The following EIF4G1 variants were observed in gnomAD, a reference collection of about 807,000 sequenced individuals.
EIF4G1 encodes the protein eukaryotic translation initiation factor 4 gamma 1.
In EIF4G1, 4 loss-of-function variants were observed where a neutral mutation model predicts 187.8. The observed-to-expected ratio is 0.02, with a 90% CI of 0.01 to 0.05. EIF4G1 has a LOEUF of 0.05. Among genes scored for constraint, EIF4G1 ranks in the 10% least tolerant of loss-of-function variants. The probability of loss-of-function intolerance (pLI) is 1.00; values close to 1 mark genes in which losing one functional copy is unlikely to be tolerated. For synonymous variants in EIF4G1, 844 were observed against 781.4 expected (o/e 1.08, Z -1.34); for missense variants, 1,647 against 2,081.1 (o/e 0.79, Z 4.06).
chr3:184,321,156 T>C, intron 9 of EIF4G1, 126 bp from the exon 10 acceptor site: 6 of 1,491,068 alleles, frequency 4.0e-6, no homozygotes, highest in East Asian at 2.3e-5. Flanking sequence ...AGTGGAAGTA[T>C]AGCTTAGGTG....
rs1725185591 is a variant in EIF4G1 at position 184,327,580 on chromosome 3, C to G, written c.3662-6C>G. The G allele has an allele frequency of 1.9e-6, 3 of 1,613,852 alleles. No individual in the cohort carries two copies. Among genetic ancestry groups the G allele is most frequent in the South Asian group, 2.2e-5 (2 of 91,080 alleles). On this transcript the variant is annotated splice_polypyrimidine_tract_variant and splice_region_variant and intron_variant, in intron 24 of 32. Transcript: ENST00000346169. ...AGTCCCTCTAATCTGTGTTCTCTTCCCACAGTGAAGCGAGAAGCTGCCCTA... is the reference window on the plus strand; with the variant it reads ...AGTCCCTCTAATCTGTGTTCTCTTCGCACAGTGAAGCGAGAAGCTGCCCTA...
chr3:184,322,121 G>A lies in EIF4G1; in HGVS notation c.1519+18G>A, dbSNP rs531497033. 12 of 1,614,116 alleles carry A rather than the reference G, an allele frequency of 7.4e-6. No individual in the cohort carries two copies. The highest frequency in any genetic ancestry group is 9.3e-6 in the Non-Finnish European group (11 of 1,180,040). On this transcript the variant is annotated intron_variant, in intron 10 of 32. Transcript: ENST00000346169. ...CACTCAAGGTAAGGTGTGGTTGGAC[G>A]GTAGAGGTAGGGCGGGCTAGGGGAT...
At chr3:184,324,141 C>G in intron 16 of EIF4G1, 60 bp from the exon 17 acceptor site, 1 of 1,613,066 alleles carries the variant, frequency 6.2e-7, no homozygotes, top group Admixed American at 1.7e-5. Flanking sequence ...GTTAAAGGCT[C>G]TTGGAGGGCC....
chr3:184,325,263 TC>T lies in EIF4G1; in HGVS notation c.2857-4del. On this transcript the variant is annotated splice_polypyrimidine_tract_variant and splice_region_variant and intron_variant, in intron 18 of 32. Transcript: ENST00000346169. This position sits in a 1 kb window ranked among gnomAD's most constrained non-coding sequence, Gnocchi z 5.2. The stretch of plus-strand genomic sequence containing the variant: ...GTTCCTGGTCTGATGCCTTTCTCCT[TC>T]CTAGCCCCGAATGGATCAGTATTTC... The T allele has an allele frequency of 6.2e-7, 1 of 1,614,072 alleles. No individual in the cohort carries two copies.
intron 3 of EIF4G1, 116 bp from the exon 4 acceptor site, chr3:184,316,016 G>C (rs1722713861): frequency 1.3e-6 from 2 of 1,542,606 alleles, no homozygotes; most frequent in Non-Finnish European, 1.8e-6. Flanking sequence ...TCACGGGGAG[G>C]GGGTATGTGG....
Position 184,334,615 on chromosome 3 carries a change from C to T in EIF4G1, c.4619-112C>T. ...GTCACTCTGGAATGGCCACAAATGTCAGGCTGGTGCATCAGGGCCTTGTTT... is the reference window on the plus strand; with the variant it reads ...GTCACTCTGGAATGGCCACAAATGTTAGGCTGGTGCATCAGGGCCTTGTTT... On this transcript the variant is annotated intron_variant, in intron 32 of 32. Transcript: ENST00000346169. The surrounding 1 kb of genome is among the most constrained non-coding windows in gnomAD (Gnocchi z 5.8). The T allele has an allele frequency of 7.7e-7, 1 of 1,292,012 alleles. No individual in the cohort carries two copies. The highest frequency in any genetic ancestry group is 1.1e-6 in the Non-Finnish European group (1 of 902,344). The allele number at this position is 1,292,012 out of a possible 1,614,324, so 80.0% of individuals were successfully genotyped here. A position where few individuals can be genotyped will look rare whatever the true frequency, so the allele number is the denominator to read the frequency against.
chr3:184,333,342 A>G (rs1368684710), intron 32 of EIF4G1, among the ~76,000 whole-genome samples: 2 of 152,180 alleles, frequency 1.3e-5, no homozygotes, highest in Non-Finnish European at 2.9e-5. Context: ...TTGGAAAAGA[A>G]GAGATCAGGG....
In EIF4G1 at chr3:184,322,627, C is replaced by T. The variant is rs766468814; in HGVS notation, c.1692C>T (p.Pro564=). ...PGPESEGSGV[P]PRPEEADETW... ...CAGAGTCTGAGGGCAGTGGTGTGCC[C>T]CCACGTCCTGAGGAAGCAGATGAGA... is the stretch of plus-strand genomic sequence containing the variant. The change falls in exon 12 of 33, where the codon CCC becomes CCT. Residue 564 remains proline, a synonymous_variant. Coordinates refer to ENST00000346169, the MANE Select transcript of EIF4G1 (RefSeq NM_198241.3). The T allele has an allele frequency of 3.1e-6, 5 of 1,614,006 alleles. No homozygotes were observed. The highest frequency in any genetic ancestry group is 1.3e-5 in the African/African-American group (1 of 74,908).
Position 184,335,129 on chromosome 3 carries a change from GATATATT to G in EIF4G1, c.*228_*234del, listed in dbSNP as rs1726878117. 3.4e-6 allele frequency: 2 copies of G among 587,532 alleles called. No individual in the cohort carries two copies. The highest frequency in any genetic ancestry group is 2.0e-5 in the South Asian group (1 of 51,038). 36.4% of individuals were successfully genotyped at this position (587,532 alleles called of 1,614,324 possible). ...CCCTCTCCTCCCCCTGGGGCACAGA[GATATATT>G]ATATATAAAGTCTTGAAATTTGGTG... On this transcript the variant is annotated 3_prime_UTR_variant, in exon 33 of 33. Coordinates refer to ENST00000346169, the MANE Select transcript of EIF4G1 (RefSeq NM_198241.3).
Position 184,321,536 on chromosome 3 carries a change from A to G in EIF4G1, c.952A>G (p.Thr318Ala). 1 of 1,613,178 alleles carries G rather than the reference A, an allele frequency of 6.2e-7. No individual in the cohort carries two copies. The highest frequency in any genetic ancestry group is 8.5e-7 in the Non-Finnish European group (1 of 1,179,764). Reference protein sequence around the residue: ...GEPYRLSPEPTPLAEPILEVE... With the variant: ...GEPYRLSPEPAPLAEPILEVE... ...GCCATATCGCCTCTCTCCAGAACCC[A>G]CTCCTCTCGCCGAACCCATACTGGA... Residue 318 changes from threonine to alanine, a missense_variant, in exon 10 of 33, where the codon ACT becomes GCT. Coordinates refer to ENST00000346169, the MANE Select transcript of EIF4G1 (RefSeq NM_198241.3).
intron 4 of EIF4G1, chr3:184,316,741 C>A: frequency 6.3e-7 from 1 of 1,596,284 alleles, no homozygotes; most frequent in Non-Finnish European, 8.5e-7. Flanking sequence ...CAGGTAATAT[C>A]CCTTTCCCAA....
At chr3:184,318,320 G>C (rs1723143157) in intron 6 of EIF4G1, among the ~76,000 whole-genome samples, 1 of 152,214 alleles carries the variant, frequency 6.6e-6, no homozygotes, top group Non-Finnish European at 1.5e-5. Flanking sequence ...TCAAAAACAA[G>C]TGGAATTTAG....
chr3:184,323,690 G>C lies in EIF4G1; in HGVS notation c.2275-90G>C. On this transcript the variant is annotated intron_variant, in intron 15 of 32. Transcript: ENST00000346169. This position sits in a 1 kb window ranked among gnomAD's most constrained non-coding sequence, Gnocchi z 6.9. ...CTTTTTGTCCTTATCACTAGCATCT[G>C]TCATGCCTAAGTCCCCACCACCCTC... 2.5e-6 allele frequency: 4 copies of C among 1,609,980 alleles called. No individual in the cohort carries two copies. The highest frequency in any genetic ancestry group is 3.4e-6 in the Non-Finnish European group (4 of 1,178,230).
rs1428845521 is a variant in EIF4G1 at position 184,323,434 on chromosome 3, G to A, written c.2115G>A (p.Gln705=). 1.2e-6 allele frequency: 2 copies of A among 1,614,240 alleles called. No individual in the cohort carries two copies. Among genetic ancestry groups the A allele is most frequent in the Non-Finnish European group, 1.7e-6 (2 of 1,180,042 alleles). The change falls in exon 15 of 33, where the codon CAG becomes CAA. Residue 705 remains glutamine, a synonymous_variant. Transcript: ENST00000346169. This position sits in a 1 kb window ranked among gnomAD's most constrained non-coding sequence, Gnocchi z 6.9. Reference sequence around the variant, plus strand: ...CTGGCCTGGGACCCCGGCGCTCTCAGCAGGGACCCCGAAAAGAACCACGCA... The same window carrying A: ...CTGGCCTGGGACCCCGGCGCTCTCAACAGGGACCCCGAAAAGAACCACGCA... ...GPAGLGPRRS[Q]QGPRKEPRKI...
At position 184,321,761 on chromosome 3, in the gene EIF4G1, C is replaced by T; in HGVS notation, c.1177C>T (p.Pro393Ser). The change falls in exon 10 of 33, where the codon CCC becomes TCC. Residue 393 changes from proline (P) to serine (S), a missense_variant. Physicochemically the swap from Pro to Ser is moderately conservative, Grantham distance 74 (BLOSUM62 -1). Transcript: ENST00000346169. ...PPACPSESPV[P>S]IAPTAQPEEL... ...AGCTTGCCCCTCCGAATCCCCTGTG[C>T]CCATTGCTCCAACTGCCCAACCTGA... The T allele has an allele frequency of 3.1e-6, 5 of 1,607,584 alleles. No homozygotes were observed. Among genetic ancestry groups the T allele is most frequent in the Non-Finnish European group, 4.3e-6 (5 of 1,175,156 alleles).
chr3:184,322,552 G>A lies in EIF4G1; in HGVS notation c.1617G>A (p.Pro539=), dbSNP rs200554105. The change falls in exon 12 of 33, where the codon CCG becomes CCA. Residue 539 remains proline (P), a synonymous_variant. Transcript: ENST00000346169. ...ATGTTCTGTTGTTCTAGGCGAACCC[G>A]GCAGTACCAGAGGTGGAAAATCAGC... ...DLLDAFKEAN[P]AVPEVENQPP... is the part of the protein sequence containing the mutation. 4.1e-5 allele frequency: 66 copies of A among 1,614,102 alleles called. 1 individual carries two copies. The Admixed American group carries it at 4.7e-4, about 11-fold the overall frequency.
At chr3:184,319,426 GGTGTGTGT>G (rs1168140244) in intron 6 of EIF4G1, among the ~76,000 whole-genome samples, 22 of 112,966 alleles carry the variant, frequency 1.9e-4, no homozygotes, top group South Asian at 1.7e-3. Context: ...GCCTACGAGG[GGTGTGTGT>G]GTGTGTGTGT....
chr3:184,324,181 A>G lies in EIF4G1; in HGVS notation c.2473-20A>G. 2 of 1,614,234 alleles carry G rather than the reference A, an allele frequency of 1.2e-6. No individual in the cohort carries two copies. Among genetic ancestry groups the G allele is most frequent in the Non-Finnish European group, 1.7e-6 (2 of 1,180,038 alleles). ...CTGCCCAGGACTAGTCTTGAGTGTG[A>G]CATTCTCTCTGACCTACAGCTGAAA... is the stretch of plus-strand genomic sequence containing the variant. On this transcript the variant is annotated intron_variant, in intron 16 of 32. Coordinates refer to ENST00000346169, the MANE Select transcript of EIF4G1 (RefSeq NM_198241.3).
Position 184,322,420 on chromosome 3 carries a change from T to C in EIF4G1, c.1578T>C (p.Ala526=). The C allele has an allele frequency of 1.2e-6, 2 of 1,614,208 alleles. No homozygotes were observed. The highest frequency in any genetic ancestry group is 1.1e-5 in the South Asian group (1 of 91,086). Residue 526 remains alanine (A), a synonymous_variant, in exon 11 of 33, where the codon GCT becomes GCC. Coordinates refer to ENST00000346169, the MANE Select transcript of EIF4G1 (RefSeq NM_198241.3). The part of the protein sequence containing the change: ...RKIKELNKKE[A]VGDLLDAFKE... ...TTAAGGAGCTAAATAAGAAGGAGGC[T>C]GTTGGAGACCTTCTGGATGCCTTCA...
Sources: gnomAD v4.1 joint callset for allele counts (sites outside exome capture counted in the v4.1 genomes callset) on GRCh38, gnomAD v4.1.1 for gene constraint, Gnocchi (gnomAD v3.1) non-coding constraint, MANE v1.5 for transcripts, NCBI Gene and HGNC (gene_info 2026-07-23, HGNC 2026-07-21) for gene names.